The following TTLL7 variants were observed in gnomAD, a reference collection of about 807,000 sequenced individuals.
The protein encoded by TTLL7 is tubulin polyglutamylase TTLL7.
A neutral mutation model predicts 120.2 loss-of-function variants in TTLL7; 53 were observed. The observed-to-expected ratio is 0.44, with a 90% CI of 0.35 to 0.55. The LOEUF (loss-of-function observed/expected upper bound fraction) is 0.55, where lower values mean the gene tolerates loss of function less well. Among genes scored for constraint, TTLL7 ranks in the 20% least tolerant of loss-of-function variants. The pLI is 0.00. For synonymous variants in TTLL7, 353 were observed against 351.7 expected (o/e 1.00, Z -0.04); for missense variants, 803 against 1,054.7 (o/e 0.76, Z 3.31).
At chr1:83,993,481 T>C (rs1653189526) in intron 1 of TTLL7, among the ~76,000 whole-genome samples, 1 of 152,190 alleles carries the variant, frequency 6.6e-6, no homozygotes, top group African/African-American at 2.4e-5. Flanking sequence ...TAAATAATCC[T>C]TTGTCAACTA....
At chr1:83,897,056 C>A (rs1288176007) in intron 18 of TTLL7, among the ~76,000 whole-genome samples, 1 of 152,008 alleles carries the variant, frequency 6.6e-6, no homozygotes, top group Non-Finnish European at 1.5e-5. Context: ...TACCCTTGAT[C>A]TTTACATTTT....
chr1:83,993,453 A>G (rs1316920275), intron 1 of TTLL7, among the ~76,000 whole-genome samples: 1 of 152,248 alleles, frequency 6.6e-6, no homozygotes. Flanking sequence ...ATAGGGGGTA[A>G]GAGAGATGAA....
chr1:83,942,619 T>C lies in TTLL7; in HGVS notation c.567A>G (p.Glu189=). ...CCATTAGGAAAGGCTTTTCAATGTA[T>C]TCTTGAACAATCAAATGATCCTGAG... ...LPSQDHLIVQ[E]YIEKPFLMEG... Residue 189 remains glutamate (E), a synonymous_variant, in exon 7 of 21, where the codon GAA becomes GAG. Coordinates refer to ENST00000260505, the MANE Select transcript of TTLL7 (RefSeq NM_024686.6). 6.2e-7 allele frequency: 1 copy of C among 1,613,954 alleles called. No homozygotes were observed. Among genetic ancestry groups the C allele is most frequent in the Non-Finnish European group, 8.5e-7 (1 of 1,179,888 alleles).
chr1:83,958,116 T>C (rs889672717), intron 1 of TTLL7, among the ~76,000 whole-genome samples: 2 of 152,196 alleles, frequency 1.3e-5, no homozygotes, highest in African/African-American at 2.4e-5. Context: ...TCATCACTTA[T>C]GTAAAACATC....
intron 1 of TTLL7, among the ~76,000 whole-genome samples, chr1:83,997,681 C>G (rs1304601870): frequency 6.6e-6 from 1 of 152,176 alleles, no homozygotes; most frequent in African/African-American, 2.4e-5. Flanking sequence ...ATGGGTTCAC[C>G]TGTCACCCTA....
chr1:83,927,903 T>C (rs1659268905), intron 10 of TTLL7, among the ~76,000 whole-genome samples: 2 of 152,152 alleles, frequency 1.3e-5, no homozygotes, highest in South Asian at 4.1e-4. Context: ...TCCACCCAGC[T>C]GGAGGAAGAA....
At chr1:83,903,882 A>C (rs1296358127) in intron 18 of TTLL7, among the ~76,000 whole-genome samples, 197 bp downstream of exon 18, 2 of 152,088 alleles carry the variant, frequency 1.3e-5, no homozygotes, top group East Asian at 3.9e-4. Flanking sequence ...CTATGAAAGC[A>C]TGGATTTTTA....
intron 1 of TTLL7, among the ~76,000 whole-genome samples, chr1:83,994,319 A>G (rs913242189): frequency 3.3e-5 from 5 of 152,160 alleles, no homozygotes; most frequent in South Asian, 2.1e-4. Flanking sequence ...GCTCTCATAG[A>G]CACTTAATGG....
At chr1:83,873,174 GA>G (rs1207291084) in intron 20 of TTLL7, among the ~76,000 whole-genome samples, 8 of 152,136 alleles carry the variant, frequency 5.3e-5, no homozygotes, top group Non-Finnish European at 8.8e-5. Context: ...AGAAAAAGAT[GA>G]AACTTTTTAT....
chr1:83,876,814 T>G (rs752158044), intron 20 of TTLL7, among the ~76,000 whole-genome samples: 10 of 152,046 alleles, frequency 6.6e-5, no homozygotes, highest in Non-Finnish European at 1.3e-4. Context: ...TAATTTATCA[T>G]AGATTTATTT....
At chr1:83,937,120 T>C (rs1287729570) in intron 8 of TTLL7, among the ~76,000 whole-genome samples, 1 of 152,196 alleles carries the variant, frequency 6.6e-6, no homozygotes, top group Non-Finnish European at 1.5e-5. Flanking sequence ...AAGATTATAA[T>C]ACTGTATTTT....
chr1:83,902,039 C>T (rs898584088), intron 18 of TTLL7: 3 of 151,954 alleles, frequency 2.0e-5, no homozygotes, highest in African/African-American at 7.3e-5. Context: ...GAAGCCCTCC[C>T]CACCAGAAGA....
rs1381722432 is a variant in TTLL7, at chr1:83,999,068, G to A, written c.-314C>T. ...CACTGGTGGTCCGGTGCTCTCCTCC[G>A]CCCGCCCACCGCCCGTGGCAGCCAC... is the stretch of plus-strand genomic sequence containing the variant. On this transcript the variant is annotated 5_prime_UTR_variant, in exon 1 of 21. Coordinates refer to ENST00000260505, the MANE Select transcript of TTLL7 (RefSeq NM_024686.6). The A allele has an allele frequency of 9.0e-6, 4 of 445,536 alleles. No individual in the cohort carries two copies. Among genetic ancestry groups the A allele is most frequent in the Admixed American group, 4.8e-5 (2 of 41,902 alleles). 27.6% of individuals were successfully genotyped at this position (445,536 alleles called of 1,614,324 possible).
chr1:83,937,874 G>A lies in TTLL7; in HGVS notation c.866C>T (p.Ala289Val). The A allele has an allele frequency of 6.2e-7, 1 of 1,613,956 alleles. No homozygotes were observed. The highest frequency in any genetic ancestry group is 1.1e-5 in the South Asian group (1 of 91,076). The change falls in exon 8 of 21, where the codon GCT becomes GTT. Residue 289 changes from alanine (A) to valine (V), a missense_variant. By Grantham distance (64) the Ala-to-Val change is moderately conservative. Coordinates refer to ENST00000260505, the MANE Select transcript of TTLL7 (RefSeq NM_024686.6). ...TACTGAAATATCACTCCAAAACTTA[G>A]CAACATCATGTTGATTTGCTTGAAG... ...EFLQANQHDVAKFWSDISELV... is the reference protein window; with the variant it reads ...EFLQANQHDVVKFWSDISELV...
chr1:83,958,678 T>TC (rs1334261043), intron 1 of TTLL7, among the ~76,000 whole-genome samples: 4 of 152,310 alleles, frequency 2.6e-5, no homozygotes, highest in African/African-American at 9.6e-5. Flanking sequence ...TCATGCTTTT[T>TC]CTCATATGAA....
chr1:83,897,826 C>A (rs996203713), intron 18 of TTLL7, among the ~76,000 whole-genome samples: 1 of 148,678 alleles, frequency 6.7e-6, no homozygotes, highest in South Asian at 2.1e-4. Flanking sequence ...TGCCTACTTG[C>A]GCTCTCTCTC....
intron 7 of TTLL7, among the ~76,000 whole-genome samples, chr1:83,941,470 A>C (rs759420208): frequency 6.6e-6 from 1 of 152,166 alleles, no homozygotes; most frequent in Non-Finnish European, 1.5e-5. Context: ...AAAGTTTGAC[A>C]GTTTCCTTAT....
chr1:83,991,516 C>T (rs1245154289), intron 1 of TTLL7, among the ~76,000 whole-genome samples: 2 of 152,022 alleles, frequency 1.3e-5, no homozygotes, highest in African/African-American at 4.8e-5. Flanking sequence ...CACGGTGGTA[C>T]ACCTGTAGTC....
intron 20 of TTLL7, among the ~76,000 whole-genome samples, chr1:83,875,993 C>G (rs1653896009): frequency 6.6e-6 from 1 of 151,622 alleles, no homozygotes; most frequent in Non-Finnish European, 1.5e-5. Context: ...CTTTGCATAC[C>G]TCAAGGTCAT....
Sources: allele counts gnomAD v4.1 joint callset (sites outside exome capture counted in the v4.1 genomes callset), GRCh38; gene constraint gnomAD v4.1.1; transcripts MANE v1.5; gene names NCBI Gene and HGNC (gene_info 2026-07-23, HGNC 2026-07-21).